Variants in TRPA1 observed in about 807,000 individuals in gnomAD.
The protein encoded by TRPA1 is ankyrin-like with transmembrane domains 1.
Under a neutral mutation model 131.3 loss-of-function variants are expected in TRPA1, and 129 were observed. The observed-to-expected ratio is 0.98, with a 90% CI of 0.85 to 1.14. The LOEUF (loss-of-function observed/expected upper bound fraction) is 1.14. Among genes scored for constraint, TRPA1 ranks in the 50% most tolerant of loss-of-function variants. The pLI is 0.00. For synonymous variants in TRPA1, 441 were observed against 451.7 expected (o/e 0.98, Z 0.30); for missense variants, 1,304 against 1,354.2 (o/e 0.96, Z 0.58).
chr8:72,056,714 A>G (rs1805674978), intron 10 of TRPA1, among the ~76,000 whole-genome samples: 1 of 152,150 alleles, frequency 6.6e-6, no homozygotes, highest in Admixed American at 6.6e-5. Flanking sequence ...CAGTCTCACT[A>G]CAATTAATTA....
chr8:72,023,608 G>A (rs1390766065), intron 26 of TRPA1: 7 of 503,664 alleles, frequency 1.4e-5, no homozygotes, highest in Non-Finnish European at 2.5e-5. Context: ...ACTTATGATT[G>A]GAAGGCAAAC....
intron 25 of TRPA1, among the ~76,000 whole-genome samples, chr8:72,024,551 G>A (rs1284745728): frequency 6.6e-6 from 1 of 152,146 alleles, no homozygotes; most frequent in African/African-American, 2.4e-5. Context: ...TGGGTGGCTG[G>A]ATTGCACAGG....
At chr8:72,044,043 C>T (rs897388618) in intron 17 of TRPA1, among the ~76,000 whole-genome samples, 1 of 151,734 alleles carries the variant, frequency 6.6e-6, no homozygotes, top group Non-Finnish European at 1.5e-5. Context: ...TTTCCAGGTT[C>T]ACCATTTTTC....
chr8:72,039,902 A>C (rs1158564290), intron 17 of TRPA1, 105 bp from the exon 18 acceptor site: 11 of 795,464 alleles, frequency 1.4e-5, no homozygotes, highest in Non-Finnish European at 2.1e-5. Context: ...GGTATTGTAA[A>C]AGTAACACCT....
Position 72,063,557 on chromosome 8 carries a change from A to G in TRPA1, c.567T>C (p.Ala189=). ...CCCATTTATTTGATTTACATGGCTT[A>G]GCTCCTTTTTTAAGCTGGAAGAAAA... The part of the protein sequence containing the change: ...EALQILLKKG[A]KPCKSNKWGC... The change falls in exon 5 of 27, where the codon GCT becomes GCC. Residue 189 remains alanine, a synonymous_variant. Coordinates refer to ENST00000262209, the MANE Select transcript of TRPA1 (RefSeq NM_007332.3). 5.6e-6 allele frequency: 9 copies of G among 1,613,004 alleles called. No individual in the cohort carries two copies. The highest frequency in any genetic ancestry group is 7.6e-6 in the Non-Finnish European group (9 of 1,179,158).
chr8:72,076,829 G>C (rs186153529), upstream of TRPA1, among the ~76,000 whole-genome samples: 494 of 152,296 alleles, frequency 3.2e-3, 2 homozygotes, highest in South Asian at 7.5e-3. Flanking sequence ...CATGAGTATG[G>C]CTTGCTGGAG....
intron 24 of TRPA1, among the ~76,000 whole-genome samples, chr8:72,027,758 C>G (rs1279735125): frequency 6.6e-6 from 1 of 152,158 alleles, no homozygotes; most frequent in African/African-American, 2.4e-5. Flanking sequence ...AGAATGGATG[C>G]AGAGAGTTGC....
chr8:72,034,452 T>C (rs926110176), intron 21 of TRPA1, 75 bp from the exon 22 acceptor site: 2 of 1,011,100 alleles, frequency 2.0e-6, no homozygotes, highest in African/African-American at 1.6e-5. Flanking sequence ...ATATTTATCA[T>C]GTATTAAACC....
At chr8:72,068,108 A>T (rs1398358170) in intron 3 of TRPA1, among the ~76,000 whole-genome samples, 1 of 152,206 alleles carries the variant, frequency 6.6e-6, no homozygotes, top group Non-Finnish European at 1.5e-5. Context: ...GGCTCCTCTC[A>T]AACCTTTTAT....
At chr8:72,059,329 A>G (rs1805750328) in intron 8 of TRPA1, 61 bp downstream of exon 8, 2 of 1,127,820 alleles carry the variant, frequency 1.8e-6, no homozygotes, top group South Asian at 1.5e-5. Flanking sequence ...ATATTATGTA[A>G]TTATACGATT....
upstream of TRPA1, among the ~76,000 whole-genome samples, chr8:72,079,868 A>G (rs746666533): frequency 2.6e-5 from 4 of 151,940 alleles, no homozygotes; most frequent in Non-Finnish European, 5.9e-5. Context: ...TGTACAGTTC[A>G]TGCATATTTT....
intron 20 of TRPA1, among the ~76,000 whole-genome samples, chr8:72,036,695 A>G (rs560394170): frequency 6.6e-6 from 1 of 152,304 alleles, no homozygotes; most frequent in South Asian, 2.1e-4. Context: ...TCCGACGCCT[A>G]AGGAAATCCT....
intron 14 of TRPA1, among the ~76,000 whole-genome samples, chr8:72,051,341 A>G (rs568738008): frequency 1.5e-4 from 23 of 152,312 alleles, no homozygotes; most frequent in African/African-American, 5.1e-4. Flanking sequence ...AAGTGCATTG[A>G]TAAGCATAGC....
the TRPA1 span, among the ~76,000 whole-genome samples, chr8:72,089,635 C>T: frequency 0.62 from 94,001 of 151,822 alleles, 29,503 homozygotes; most frequent in African/African-American, 0.68. Flanking sequence ...TTTTTAGGAT[C>T]CTAAGACACA....
chr8:72,086,081 T>G, the TRPA1 span, among the ~76,000 whole-genome samples: 1 of 152,058 alleles, frequency 6.6e-6, no homozygotes, highest in African/African-American at 2.4e-5. Flanking sequence ...TTTTGTATTT[T>G]TAGTAGAGAT....
chr8:72,069,872 T>C (rs919287776), intron 2 of TRPA1, among the ~76,000 whole-genome samples: 4 of 152,130 alleles, frequency 2.6e-5, no homozygotes, highest in Non-Finnish European at 5.9e-5. Flanking sequence ...TACTAAGTCA[T>C]GTCTTTAAAG....
intron 23 of TRPA1, among the ~76,000 whole-genome samples, chr8:72,032,366 G>A (rs948951773): frequency 6.6e-6 from 1 of 152,202 alleles, no homozygotes; most frequent in Admixed American, 6.5e-5. Flanking sequence ...AGGAACTATG[G>A]CAGTCCAAGC....
intron 1 of TRPA1, among the ~76,000 whole-genome samples, chr8:72,072,121 G>A (rs924297320): frequency 1.3e-5 from 2 of 152,094 alleles, no homozygotes; most frequent in African/African-American, 2.4e-5. Context: ...AATAAAGGCC[G>A]TTCTTCCTCA....
In TRPA1 at chr8:72,071,796, A is replaced by G. The variant is rs774717226; in HGVS notation, c.183T>C (p.Asp61=). 6.2e-6 allele frequency: 10 copies of G among 1,613,516 alleles called. No homozygotes were observed. The highest frequency in any genetic ancestry group is 1.1e-5 in the South Asian group (1 of 91,046). Residue 61 remains aspartate, a synonymous_variant, in exon 2 of 27, where the codon GAT becomes GAC. Coordinates refer to ENST00000262209, the MANE Select transcript of TRPA1 (RefSeq NM_007332.3). Reference sequence around the variant, plus strand: ...CATAATGCAAGAAGAAGGTGTCCATATCGTCACATCTTTTTAATTTCTTTT... The same window carrying G: ...CATAATGCAAGAAGAAGGTGTCCATGTCGTCACATCTTTTTAATTTCTTTT... ...NKQKKLKRCD[D]MDTFFLHYAA...
Sources: gnomAD v4.1 joint callset for allele counts (sites outside exome capture counted in the v4.1 genomes callset) on GRCh38, gnomAD v4.1.1 for gene constraint, MANE v1.5 for transcripts, NCBI Gene and HGNC (gene_info 2026-07-23, HGNC 2026-07-21) for gene names.